RGS3: variants seen among roughly 807,000 people sequenced by gnomAD.
RGS3 encodes the protein regulator of G-protein signalling 3.
RGS3 carries 80 observed loss-of-function variants against 132.6 expected under a neutral mutation model. That is an observed-to-expected ratio of 0.60 (90% CI 0.50 to 0.73). The LOEUF (loss-of-function observed/expected upper bound fraction) is 0.73, where lower values mean the gene tolerates loss of function less well. RGS3 is among the 30% of genes least tolerant of loss of function. The pLI, the probability that RGS3 is intolerant of heterozygous loss-of-function variation, is 0.00. For synonymous variants in RGS3, 598 were observed against 620.6 expected (o/e 0.96, Z 0.54); for missense variants, 1,382 against 1,530.8 (o/e 0.90, Z 1.62).
Position 113,505,350 on chromosome 9 carries a change from T to A in RGS3, c.898-92T>A, listed in dbSNP as rs1831081679. 3 of 1,102,836 alleles carry A rather than the reference T, an allele frequency of 2.7e-6. No homozygotes were observed. The East Asian group carries it at 7.4e-5, about 27-fold the overall frequency. 68.3% of individuals were successfully genotyped at this position (1,102,836 alleles called of 1,614,324 possible). Reference sequence around the variant, plus strand: ...CAGTTCCCTTGGAGAGGAGGGTGGCTCTTGGCAGGGGTGGGCTGTGGGCTT... The same window carrying A: ...CAGTTCCCTTGGAGAGGAGGGTGGCACTTGGCAGGGGTGGGCTGTGGGCTT... On this transcript the variant is annotated intron_variant, in intron 10 of 24. Coordinates refer to ENST00000350696, the Ensembl canonical transcript of RGS3.
At chr9:113,518,152 C>T (rs1831769024) in intron 16 of RGS3, among the ~76,000 whole-genome samples, 1 of 152,062 alleles carries the variant, frequency 6.6e-6, no homozygotes, top group Non-Finnish European at 1.5e-5. Context: ...ATGCTTTTCT[C>T]TAATTGGGAG....
upstream of RGS3, among the ~76,000 whole-genome samples, chr9:113,456,641 A>C (rs1261007020): frequency 1.3e-5 from 2 of 151,036 alleles, no homozygotes; most frequent in East Asian, 3.9e-4. Context: ...CTCCACCCCT[A>C]ACCAATTTGT....
chr9:113,591,673 T>G lies in RGS3; in HGVS notation c.3080+276T>G. The stretch of plus-strand genomic sequence containing the variant: ...AGCAACCAGCCCGTTTGCCCTGGCT[T>G]TAGCCCAGCTTCTGAGCCAAGCAGG... On this transcript the variant is annotated intron_variant, in intron 21 of 24. Coordinates refer to ENST00000350696, the Ensembl canonical transcript of RGS3. The surrounding 1 kb of genome is among the most constrained non-coding windows in gnomAD (Gnocchi z 4.4). 2.3e-6 allele frequency: 1 copy of G among 438,024 alleles called. No individual in the cohort carries two copies. The highest frequency in any genetic ancestry group is 4.1e-5 in the East Asian group (1 of 24,674). 27.1% of individuals were successfully genotyped at this position (438,024 alleles called of 1,614,324 possible).
chr9:113,536,489 C>T, intron 18 of RGS3: 1 of 1,060,922 alleles, frequency 9.4e-7, no homozygotes. Context: ...GCTGCCTGCC[C>T]CTGGGGGTGA....
intron 16 of RGS3, among the ~76,000 whole-genome samples, chr9:113,517,910 A>T (rs1015040100): frequency 2.0e-5 from 3 of 152,124 alleles, no homozygotes; most frequent in Non-Finnish European, 2.9e-5. Flanking sequence ...AGCAGAAGAG[A>T]TGGCAATTTA....
intron 19 of RGS3, among the ~76,000 whole-genome samples, chr9:113,550,853 C>G (rs1443542137): frequency 1.3e-5 from 2 of 152,100 alleles, no homozygotes; most frequent in Non-Finnish European, 2.9e-5. Context: ...ACAAAGAGCT[C>G]TTTATATAAT....
chr9:113,474,227 C>A (rs1384266417), intron 3 of RGS3, among the ~76,000 whole-genome samples: 2 of 152,114 alleles, frequency 1.3e-5, no homozygotes, highest in Non-Finnish European at 2.9e-5. Flanking sequence ...AGCAGAGAGG[C>A]CAGGGGATTG....
Position 113,463,955 on chromosome 9 carries a change from G to A in RGS3, c.415+1754G>A. 1 of 1,505,022 alleles carries A rather than the reference G, an allele frequency of 6.6e-7. No individual in the cohort carries two copies. Among genetic ancestry groups the A allele is most frequent in the Non-Finnish European group, 9.1e-7 (1 of 1,096,468 alleles). The allele number at this position is 1,505,022 out of a possible 1,614,324, so 93.2% of individuals were successfully genotyped here. A position where few individuals can be genotyped will look rare whatever the true frequency, so the allele number is the denominator to read the frequency against. ...AGCGCCCAGAAACGCAGCCCCTCGTGGTGACAGGGGAGGCTGGGAGCAGGT... is the reference window on the plus strand; with the variant it reads ...AGCGCCCAGAAACGCAGCCCCTCGTAGTGACAGGGGAGGCTGGGAGCAGGT... On this transcript the variant is annotated intron_variant, in intron 3 of 24. Coordinates refer to ENST00000350696, the Ensembl canonical transcript of RGS3. The surrounding 1 kb of genome is among the most constrained non-coding windows in gnomAD (Gnocchi z 4.6).
At chr9:113,502,105 G>A (rs1237156103) in intron 10 of RGS3, among the ~76,000 whole-genome samples, 1 of 152,158 alleles carries the variant, frequency 6.6e-6, no homozygotes, top group Non-Finnish European at 1.5e-5. Flanking sequence ...TACTGCTGAT[G>A]CCTCACTATG....
chr9:113,487,260 C>T (rs943938989), intron 7 of RGS3, among the ~76,000 whole-genome samples: 4 of 151,072 alleles, frequency 2.6e-5, no homozygotes, highest in African/African-American at 7.3e-5. Flanking sequence ...TACAGGCGCC[C>T]GCCACCGCGC....
At chr9:113,519,184 T>G (rs1831816729) in intron 16 of RGS3, among the ~76,000 whole-genome samples, 1 of 151,536 alleles carries the variant, frequency 6.6e-6, no homozygotes, top group South Asian at 2.1e-4. Flanking sequence ...GACCCAAGAG[T>G]CTCCAGGCTG....
At chr9:113,532,294 T>C (rs1350645852) in intron 18 of RGS3, among the ~76,000 whole-genome samples, 1 of 152,102 alleles carries the variant, frequency 6.6e-6, no homozygotes, top group Non-Finnish European at 1.5e-5. Flanking sequence ...GTAATGAGTG[T>C]CCCCAATTTA....
intron 22 of RGS3, 124 bp from the exon 21 acceptor site, chr9:113,594,795 C>A: frequency 1.1e-6 from 1 of 912,594 alleles, no homozygotes; most frequent in Non-Finnish European, 1.7e-6. Context: ...CCTTCCTGGG[C>A]GCCCCAGCTG....
At chr9:113,469,050 T>A (rs1327701482) in intron 3 of RGS3, among the ~76,000 whole-genome samples, 1 of 147,994 alleles carries the variant, frequency 6.8e-6, no homozygotes, top group Non-Finnish European at 1.5e-5. Context: ...GCATTTTTTT[T>A]TTTTTTTTTT....
intron 18 of RGS3, 133 bp downstream of exon 16, chr9:113,529,397 C>T: frequency 2.5e-6 from 2 of 784,416 alleles, no homozygotes; most frequent in East Asian, 2.5e-5. Flanking sequence ...CTGGGCAAGG[C>T]CAGAGTAGCG....
intron 19 of RGS3, among the ~76,000 whole-genome samples, chr9:113,573,485 G>C (rs1056535022): frequency 1.3e-5 from 2 of 152,190 alleles, no homozygotes; most frequent in African/African-American, 4.8e-5. Flanking sequence ...GGCGGCACAT[G>C]GATAGGAATT....
At chr9:113,583,570 C>G (rs771156230) in exon 20 of RGS3, 1 of 1,614,184 alleles carries the variant, frequency 6.2e-7, no homozygotes, top group Non-Finnish European at 8.5e-7. Context: ...TCCTCCAGGA[C>G]AAGACCTTCC....
At chr9:113,473,153 A>G (rs1042900141) in intron 3 of RGS3, among the ~76,000 whole-genome samples, 5 of 152,232 alleles carry the variant, frequency 3.3e-5, no homozygotes, top group African/African-American at 1.2e-4. Flanking sequence ...AAAGTCATCC[A>G]CTGTCATTTC....
chr9:113,565,035 G>A lies in RGS3; in HGVS notation c.2038-18415G>A. On this transcript the variant is annotated intron_variant, in intron 19 of 24. Coordinates refer to ENST00000350696, the Ensembl canonical transcript of RGS3. This position sits in a 1 kb window ranked among gnomAD's most constrained non-coding sequence, Gnocchi z 5.7. The stretch of plus-strand genomic sequence containing the variant: ...CTGGGAGCCCTCAGGATGTGTGTGG[G>A]GTGGAGCCTGCTAGGGATCCCAGTG... The A allele has an allele frequency of 8.9e-7, 1 of 1,123,802 alleles. No homozygotes were observed. The highest frequency in any genetic ancestry group is 2.0e-5 in the South Asian group (1 of 50,116). 69.6% of individuals were successfully genotyped at this position (1,123,802 alleles called of 1,614,324 possible). A position where few individuals can be genotyped will look rare whatever the true frequency, so the allele number is the denominator to read the frequency against.
Sources: gnomAD v4.1 joint callset for allele counts (sites outside exome capture counted in the v4.1 genomes callset) on GRCh38, gnomAD v4.1.1 for gene constraint, Gnocchi (gnomAD v3.1) non-coding constraint, MANE v1.5 for transcripts, NCBI Gene and HGNC (gene_info 2026-07-23, HGNC 2026-07-21) for gene names.